SGCB: variants seen among roughly 807,000 people sequenced by gnomAD.
SGCB encodes the protein beta-sarcoglycan.
SGCB carries 25 observed loss-of-function variants against 27.3 expected under a neutral mutation model. The ratio of observed to expected loss-of-function variants is 0.92; its 90% CI spans 0.67 to 1.28. The LOEUF is 1.28. SGCB is among the 50% of genes most tolerant of loss of function. The pLI is 0.00. For missense variants in SGCB, 436 were observed against 402.1 expected (o/e 1.08, Z -0.72); for synonymous variants, 147 against 133.5 (o/e 1.10, Z -0.70).
At chr4:52,029,543 A>G (rs189055109) in intron 3 of SGCB, 135 bp downstream of exon 3, 352 of 583,852 alleles carry the variant, frequency 6.0e-4, no homozygotes, top group Non-Finnish European at 9.4e-4. Flanking sequence ...TCATACATTT[A>G]TAGATATATT....
At chr4:52,036,769 GCTCA>G (rs1419781024) in intron 1 of SGCB, among the ~76,000 whole-genome samples, 3 of 152,150 alleles carry the variant, frequency 2.0e-5, no homozygotes, top group African/African-American at 7.2e-5. Context: ...AAAATGTGGG[GCTCA>G]CTGTTTAAAT....
chr4:52,031,759 C>A, intron 2 of SGCB: 1 of 301,422 alleles, frequency 3.3e-6, no homozygotes, highest in Non-Finnish European at 6.7e-6. Context: ...TCTATTGATC[C>A]CTGGCTCAGT....
At position 52,023,921 on chromosome 4, in the gene SGCB, C is replaced by T. The variant is rs1397031755; in HGVS notation, c.*36G>A. On this transcript the variant is annotated 3_prime_UTR_variant, in exon 6 of 6. Transcript: ENST00000381431. ...ATTTGCATGCATAAAAAAGTCAAGT[C>T]AAGATATAAACATGTTGGTGACCTC... 6.4e-7 allele frequency: 1 copy of T among 1,561,382 alleles called. No individual in the cohort carries two copies. Among genetic ancestry groups the T allele is most frequent in the South Asian group, 1.1e-5 (1 of 89,902 alleles).
At chr4:52,036,562 T>C (rs982733287) in intron 1 of SGCB, among the ~76,000 whole-genome samples, 3 of 152,182 alleles carry the variant, frequency 2.0e-5, no homozygotes, top group Non-Finnish European at 2.9e-5. Context: ...AGTGAAGATA[T>C]CAACAGCAGG....
intron 1 of SGCB, among the ~76,000 whole-genome samples, chr4:52,034,116 G>T (rs902544933): frequency 2.6e-5 from 4 of 151,516 alleles, no homozygotes; most frequent in African/African-American, 9.7e-5. Flanking sequence ...TGGATCACGA[G>T]GTCAGGAGTT....
chr4:52,038,071 G>A (rs1737444330), intron 1 of SGCB, among the ~76,000 whole-genome samples, 156 bp downstream of exon 1: 1 of 150,438 alleles, frequency 6.6e-6, no homozygotes, highest in South Asian at 2.1e-4. Flanking sequence ...GCGGGGCACA[G>A]CTCCTCCCGC....
At chr4:52,028,943 G>A (rs375934435) in intron 3 of SGCB, 22 bp from the exon 4 acceptor site, 79 of 1,578,232 alleles carry the variant, frequency 5.0e-5, no homozygotes, top group Non-Finnish European at 5.9e-5. Flanking sequence ...ACAGTTTATT[G>A]TGAATATATT....
chr4:52,024,586 T>C (rs1369085191), intron 5 of SGCB, among the ~76,000 whole-genome samples: 1 of 152,066 alleles, frequency 6.6e-6, no homozygotes, highest in African/African-American at 2.4e-5. Flanking sequence ...CCCAGCACTT[T>C]GGGAGGCCGA....
Position 52,033,647 on chromosome 4 carries a change from A to G in SGCB, c.34-7T>C, listed in dbSNP as rs1183636398. 6.2e-7 allele frequency: 1 copy of G among 1,604,756 alleles called. No homozygotes were observed. Among genetic ancestry groups the G allele is most frequent in the South Asian group, 1.1e-5 (1 of 90,904 alleles). ...CAGGACCATTGGAACTTTGCTAAAA[A>G]TGAAATACAACATAATGGAACAGCT... On this transcript the variant is annotated splice_polypyrimidine_tract_variant and splice_region_variant and intron_variant, in intron 1 of 5. Coordinates refer to ENST00000381431, the MANE Select transcript of SGCB (RefSeq NM_000232.5).
intron 3 of SGCB, among the ~76,000 whole-genome samples, chr4:52,029,288 CT>C (rs2109371460): frequency 6.6e-6 from 1 of 152,278 alleles, no homozygotes; most frequent in South Asian, 2.1e-4. Context: ...TTGGCATATT[CT>C]CTTCAAGAGC....
In SGCB at chr4:52,028,630, C is replaced by T. The variant is rs566074227; in HGVS notation, c.621+100G>A. On this transcript the variant is annotated intron_variant, in intron 4 of 5. Transcript: ENST00000381431. The stretch of plus-strand genomic sequence containing the variant: ...CAGCCTGGGCGACAGAGCGAAACTC[C>T]GTCTCAAAAAAAAAACAACAACAGT... 101 of 940,526 alleles carry T rather than the reference C, an allele frequency of 1.1e-4. No homozygotes were observed. The East Asian group carries it at 2.1e-3, about 20-fold the overall frequency. The allele number at this position is 940,526 out of a possible 1,614,324, so 58.3% of individuals were successfully genotyped here. A position where few individuals can be genotyped will look rare whatever the true frequency, so the allele number is the denominator to read the frequency against.
intron 4 of SGCB, among the ~76,000 whole-genome samples, 161 bp from the exon 5 acceptor site, chr4:52,028,260 T>G (rs1737157924): frequency 6.6e-6 from 1 of 152,252 alleles, no homozygotes; most frequent in Non-Finnish European, 1.5e-5. Context: ...GACTTGATAA[T>G]GATCACACAA....
chr4:52,036,195 GGTTGA>G (rs1737386076), intron 1 of SGCB, among the ~76,000 whole-genome samples: 1 of 152,210 alleles, frequency 6.6e-6, no homozygotes, highest in Non-Finnish European at 1.5e-5. Flanking sequence ...AAAAGCTGAA[GGTTGA>G]GTTAACTCTT....
Position 52,023,671 on chromosome 4 carries a change from G to T in SGCB, c.*286C>A, listed in dbSNP as rs1049752380. On this transcript the variant is annotated 3_prime_UTR_variant, in exon 6 of 6. Coordinates refer to ENST00000381431, the MANE Select transcript of SGCB (RefSeq NM_000232.5). ...TCAGACCTTTAACCTTTAGAAAAGGGATAGTGGAATTTTAAAAACACGTCT... is the reference window on the plus strand; with the variant it reads ...TCAGACCTTTAACCTTTAGAAAAGGTATAGTGGAATTTTAAAAACACGTCT... 2.4e-5 allele frequency: 9 copies of T among 372,466 alleles called. No homozygotes were observed. Among genetic ancestry groups the T allele is most frequent in the African/African-American group, 1.9e-4 (9 of 48,192 alleles). The allele number at this position is 372,466 out of a possible 1,614,324, so 23.1% of individuals were successfully genotyped here.
chr4:52,033,167 C>A (rs1029518688), intron 2 of SGCB, among the ~76,000 whole-genome samples: 1 of 152,034 alleles, frequency 6.6e-6, no homozygotes, highest in Non-Finnish European at 1.5e-5. Context: ...CATGCTCTAC[C>A]GATTGAGCTA....
chr4:52,038,279 C>G lies in SGCB; in HGVS notation c.-20G>C, dbSNP rs902341076. 16 of 1,292,718 alleles carry G rather than the reference C, an allele frequency of 1.2e-5. No individual in the cohort carries two copies. Among genetic ancestry groups the G allele is most frequent in the South Asian group, 2.5e-5 (1 of 39,698 alleles). The allele number at this position is 1,292,718 out of a possible 1,614,324, so 80.1% of individuals were successfully genotyped here. On this transcript the variant is annotated 5_prime_UTR_variant, in exon 1 of 6. Transcript: ENST00000381431. ...CGCCATCTTCCCGCGCCCGCCGCCG[C>G]CGAGCTCCCCGCCCGACTGTGCCCG... is the stretch of plus-strand genomic sequence containing the variant.
rs763612255 is a variant in SGCB at position 52,024,029 on chromosome 4, G to A, written c.885C>T (p.Leu295=). Residue 295 remains leucine, a synonymous_variant, in exon 6 of 6, where the codon CTC becomes CTT. Transcript: ENST00000381431. ...YKLCMCADGT[L]FKVQVTSQNM... Reference sequence around the variant, plus strand: ...TCTGGCTGGTTACTTGCACCTTGAAGAGCGTCCCATCAGCACACATGCAGA... The same window carrying A: ...TCTGGCTGGTTACTTGCACCTTGAAAAGCGTCCCATCAGCACACATGCAGA... 3 of 1,614,172 alleles carry A rather than the reference G, an allele frequency of 1.9e-6. No individual in the cohort carries two copies. The highest frequency in any genetic ancestry group is 1.1e-5 in the South Asian group (1 of 91,092).
rs1374252115 is a variant in SGCB, at chr4:52,025,035, A to T, written c.754-875T>A. ...AAAATCCTTCTTTTTAGTGACTCTT[A>T]GGACTCTCTTGCTTTCTCCCTTTCC... is the stretch of plus-strand genomic sequence containing the variant. On this transcript the variant is annotated intron_variant, in intron 5 of 5. Coordinates refer to ENST00000381431, the MANE Select transcript of SGCB (RefSeq NM_000232.5). 4.6e-5 allele frequency among the ~76,000 whole-genome samples: 7 copies of T among 152,032 alleles called. No individual in the cohort carries two copies. The East Asian group carries it at 1.4e-3, about 29-fold the overall frequency.
rs1352997601 is a variant in SGCB at position 52,022,907 on chromosome 4, C to G, written c.*1050G>C. 4 of 152,198 alleles carry G rather than the reference C, an allele frequency of 2.6e-5. No individual in the cohort carries two copies. Among genetic ancestry groups the G allele is most frequent in the African/African-American group, 9.7e-5 (4 of 41,450 alleles). 9.4% of individuals were successfully genotyped at this position (152,198 alleles called of 1,614,324 possible). On this transcript the variant is annotated 3_prime_UTR_variant, in exon 6 of 6. Transcript: ENST00000381431. Reference sequence around the variant, plus strand: ...ACAATCGGACAGTGATTGGTCCTTTCTGGGTCTGACATGAGATTTATTTTC... The same window carrying G: ...ACAATCGGACAGTGATTGGTCCTTTGTGGGTCTGACATGAGATTTATTTTC...
Sources: allele counts gnomAD v4.1 joint callset (sites outside exome capture counted in the v4.1 genomes callset), GRCh38; gene constraint gnomAD v4.1.1; transcripts MANE v1.5; gene names NCBI Gene and HGNC (gene_info 2026-07-23, HGNC 2026-07-21).